CFAP221: variants seen among roughly 807,000 people sequenced by gnomAD.
The protein encoded by CFAP221 is cilia and flagella associated protein 221, also known as cilia- and flagella-associated protein 221.
Under a neutral mutation model 113.1 loss-of-function variants are expected in CFAP221, and 97 were observed. The ratio of observed to expected loss-of-function variants is 0.86; its 90% CI spans 0.73 to 1.02. CFAP221 has a LOEUF of 1.02. Among genes scored for constraint, CFAP221 ranks in the 50% least tolerant of loss-of-function variants. The pLI is 0.00. For missense variants in CFAP221, 1,025 were observed against 1,013.4 expected, an observed-to-expected ratio of 1.01 and a Z score of -0.16; for synonymous variants, 331 against 354.4, an observed-to-expected ratio of 0.93 and a Z score of 0.74.
intron 14 of CFAP221, among the ~76,000 whole-genome samples, chr2:119,625,103 G>GGGCT (rs1686203710): frequency 6.6e-6 from 1 of 152,082 alleles, no homozygotes; most frequent in Non-Finnish European, 1.5e-5. Context: ...CCACAGCTCT[G>GGGCT]GGCTCAGGTA....
intron 19 of CFAP221, among the ~76,000 whole-genome samples, chr2:119,636,954 T>C (rs1483177919): frequency 6.6e-6 from 1 of 152,090 alleles, no homozygotes; most frequent in Non-Finnish European, 1.5e-5. Context: ...ACATGGCAGC[T>C]TCACATGCCC....
chr2:119,631,010 A>T, intron 19 of CFAP221, 109 bp downstream of exon 19: 1 of 1,491,074 alleles, frequency 6.7e-7, no homozygotes, highest in Admixed American at 2.2e-5. Context: ...TGGAATTTCA[A>T]GTGTTAAACA....
rs1681118271 is a variant in CFAP221 at position 119,560,019 on chromosome 2, A to G, written c.419A>G (p.His140Arg). The G allele has an allele frequency of 1.3e-6, 2 of 1,507,196 alleles. No homozygotes were observed. Among genetic ancestry groups the G allele is most frequent in the African/African-American group, 1.4e-5 (1 of 70,760 alleles). The allele number at this position is 1,507,196 out of a possible 1,614,324, so 93.4% of individuals were successfully genotyped here. A position where few individuals can be genotyped will look rare whatever the true frequency, so the allele number is the denominator to read the frequency against. The part of the protein sequence containing the change: ...WRYYYDCIRV[H>R]CKGDDTLLVP... Reference sequence around the variant, plus strand: ...TACTATTATGACTGCATCCGTGTTCACTGTAAGGTAGGTCTCTTAAAATTG... The same window carrying G: ...TACTATTATGACTGCATCCGTGTTCGCTGTAAGGTAGGTCTCTTAAAATTG... The change falls in exon 5 of 24, where the codon CAC (histidine) becomes CGC (arginine). Residue 140 changes from histidine to arginine, a missense_variant. Physicochemically the swap from His to Arg is conservative, Grantham distance 29 (BLOSUM62 0). Coordinates refer to ENST00000413369, the MANE Select transcript of CFAP221 (RefSeq NM_001271049.2).
chr2:119,570,769 A>G (rs747370973), intron 6 of CFAP221, among the ~76,000 whole-genome samples: 4 of 152,224 alleles, frequency 2.6e-5, no homozygotes, highest in Non-Finnish European at 4.4e-5. Flanking sequence ...CATTTTATTT[A>G]TCCATTCATC....
chr2:119,637,830 G>A lies in CFAP221; in HGVS notation c.1975-429G>A, dbSNP rs548346854. Among the ~76,000 whole-genome samples the A allele has an allele frequency of 2.6e-5, 4 of 152,156 alleles. No individual in the cohort carries two copies. The East Asian group carries it at 5.8e-4, about 22-fold the overall frequency. On this transcript the variant is annotated intron_variant, in intron 19 of 23. Coordinates refer to ENST00000413369, the MANE Select transcript of CFAP221 (RefSeq NM_001271049.2). ...TACATCGAATGTCATCCTCTTTTTT[G>A]TCATCTCTTTAAAGTAGCTTTTAAA...
intron 7 of CFAP221, among the ~76,000 whole-genome samples, chr2:119,588,970 G>A (rs1574071126): frequency 6.6e-6 from 1 of 152,132 alleles, no homozygotes; most frequent in East Asian, 1.9e-4. Flanking sequence ...GAAAGACCAA[G>A]GAAGAAAATC....
chr2:119,559,479 G>T (rs1681064480), intron 3 of CFAP221, among the ~76,000 whole-genome samples: 1 of 152,064 alleles, frequency 6.6e-6, no homozygotes, highest in African/African-American at 2.4e-5. Flanking sequence ...GGGGAAAGTG[G>T]GGACATGGGG....
At chr2:119,632,373 G>A (rs952790087) in intron 19 of CFAP221, among the ~76,000 whole-genome samples, 4 of 152,274 alleles carry the variant, frequency 2.6e-5, no homozygotes, top group South Asian at 2.1e-4. Context: ...ACTCACTGTA[G>A]TTTACATATA....
chr2:119,651,975 G>A lies in CFAP221; in HGVS notation c.2320G>A (p.Glu774Lys), dbSNP rs1185810032. ...EEDRLETVERELCEQNVEVML... is the reference protein window; with the variant it reads ...EEDRLETVERKLCEQNVEVML... ...ACTAAACATCTTATTACTTTGCAGT[G>A]AGCTCTGTGAGCAGAATGTAGAAGT... The change falls in exon 23 of 24, where the codon GAG becomes AAG. Residue 774 changes from glutamate to lysine, a missense_variant and splice_region_variant. By Grantham distance (56) the Glu-to-Lys change is moderately conservative. Coordinates refer to ENST00000413369, the MANE Select transcript of CFAP221 (RefSeq NM_001271049.2). 2 of 1,609,524 alleles carry A rather than the reference G, an allele frequency of 1.2e-6. No individual in the cohort carries two copies. Among genetic ancestry groups the A allele is most frequent in the Non-Finnish European group, 1.7e-6 (2 of 1,177,604 alleles).
At chr2:119,621,722 G>A (rs1685935842) in intron 14 of CFAP221, among the ~76,000 whole-genome samples, 1 of 152,108 alleles carries the variant, frequency 6.6e-6, no homozygotes, top group Non-Finnish European at 1.5e-5. Flanking sequence ...TTAGAACTCA[G>A]GATTAAGAAA....
chr2:119,622,182 G>T (rs1012026742), intron 14 of CFAP221, among the ~76,000 whole-genome samples: 2 of 152,046 alleles, frequency 1.3e-5, no homozygotes, highest in African/African-American at 2.4e-5. Flanking sequence ...TTATAAAGAG[G>T]TTATCACCAC....
chr2:119,581,655 A>C (rs560538451), intron 6 of CFAP221, among the ~76,000 whole-genome samples: 1 of 152,354 alleles, frequency 6.6e-6, no homozygotes, highest in Admixed American at 6.5e-5. Context: ...GGAATGGTAT[A>C]GAATAATACC....
At chr2:119,559,537 T>C (rs1005983666) in intron 3 of CFAP221, among the ~76,000 whole-genome samples, 152 bp from the exon 4 acceptor site, 1 of 152,166 alleles carries the variant, frequency 6.6e-6, no homozygotes, top group African/African-American at 2.4e-5. Flanking sequence ...TATTATTTTT[T>C]AAATGGTGTA....
At chr2:119,631,444 C>T (rs1009323511) in intron 19 of CFAP221, among the ~76,000 whole-genome samples, 2 of 152,112 alleles carry the variant, frequency 1.3e-5, no homozygotes, top group Admixed American at 6.5e-5. Context: ...GAAGCCAAGC[C>T]GGCAGATCAT....
At position 119,654,416 on chromosome 2, in the gene CFAP221, T is replaced by C. The variant is rs540965046; in HGVS notation, c.2415-1946T>C. ...TTTTAAATGAAAACCTTTTTTTTTT[T>C]CTACTTCAAATATTACCTCTGGACA... On this transcript the variant is annotated intron_variant, in intron 23 of 23. Transcript: ENST00000413369. 3.9e-5 allele frequency among the ~76,000 whole-genome samples: 6 copies of C among 152,256 alleles called. No individual in the cohort carries two copies. The South Asian group carries it at 8.3e-4, about 21-fold the overall frequency.
At chr2:119,610,986 C>T (rs1297701277) in intron 12 of CFAP221, among the ~76,000 whole-genome samples, 1 of 152,068 alleles carries the variant, frequency 6.6e-6, no homozygotes, top group East Asian at 1.9e-4. Flanking sequence ...GCCCAGGCGT[C>T]ATCAGGGAAG....
intron 2 of CFAP221, among the ~76,000 whole-genome samples, chr2:119,547,465 A>G (rs1203808528): frequency 2.0e-5 from 3 of 152,172 alleles, no homozygotes; most frequent in African/African-American, 7.2e-5. Flanking sequence ...AGGCTGAGGC[A>G]GGACAATCAC....
At chr2:119,600,885 C>T (rs1459582949) in intron 7 of CFAP221, among the ~76,000 whole-genome samples, 1 of 152,222 alleles carries the variant, frequency 6.6e-6, no homozygotes, top group Non-Finnish European at 1.5e-5. Context: ...TTGTGATGAT[C>T]CACTTCCACT....
At chr2:119,615,764 A>G in intron 14 of CFAP221, 55 bp downstream of exon 14, 1 of 1,355,784 alleles carries the variant, frequency 7.4e-7, no homozygotes, top group Non-Finnish European at 1.0e-6. Flanking sequence ...AGCATAAGGA[A>G]ATCAAGCAAT....
Sources: allele counts gnomAD v4.1 joint callset (sites outside exome capture counted in the v4.1 genomes callset), GRCh38; gene constraint gnomAD v4.1.1; transcripts MANE v1.5; gene names NCBI Gene and HGNC (gene_info 2026-07-23, HGNC 2026-07-21).